Variants in DDX43 observed in about 807,000 individuals in gnomAD.
The protein encoded by DDX43 is probable ATP-dependent RNA helicase DDX43.
A neutral mutation model predicts 84.9 loss-of-function variants in DDX43; 50 were observed. That is an observed-to-expected ratio of 0.59 (90% confidence interval 0.47 to 0.75). The LOEUF (loss-of-function observed/expected upper bound fraction) is 0.75, where lower values mean the gene tolerates loss of function less well. Among genes scored for constraint, DDX43 ranks in the 30% least tolerant of loss-of-function variants. The pLI, the probability that DDX43 is intolerant of heterozygous loss-of-function variation, is 0.00. For synonymous variants in DDX43, 291 were observed against 266.3 expected (o/e 1.09, Z -0.90); for missense variants, 689 against 798.6 (o/e 0.86, Z 1.65).
chr6:73,401,751 G>A (rs1318492322), intron 3 of DDX43, 108 bp from the exon 4 acceptor site: 9 of 1,058,026 alleles, frequency 8.5e-6, no homozygotes, highest in African/African-American at 6.8e-5. Flanking sequence ...GCAGTGAGCC[G>A]AGATCGCGCC....
In DDX43 at chr6:73,395,087, T is replaced by A. The variant is rs1295482887; in HGVS notation, c.182T>A (p.Val61Glu). ...GGCACCTCTAGGCCCCCGGAGGCCG[T>A]GGCCGCTGGTCACGAGGAACTGCCG... ...WRGTSRPPEA[V>E]AAGHEELPLC... Residue 61 changes from valine to glutamate, a missense_variant, in exon 1 of 17, where the codon GTG (valine) becomes GAG (glutamate). Val to Glu is a moderately radical substitution (Grantham distance 121). Transcript: ENST00000370336. The A allele has an allele frequency of 6.8e-6, 11 of 1,614,150 alleles. No homozygotes were observed. The highest frequency in any genetic ancestry group is 9.3e-6 in the Non-Finnish European group (11 of 1,179,978).
chr6:73,406,682 C>T (rs1769690242), intron 7 of DDX43, among the ~76,000 whole-genome samples, 200 bp downstream of exon 7: 2 of 152,194 alleles, frequency 1.3e-5, no homozygotes. Context: ...TAGGTAATAT[C>T]TACCAAAAGC....
At chr6:73,401,304 C>A (rs1368043926) in intron 3 of DDX43, among the ~76,000 whole-genome samples, 2 of 152,176 alleles carry the variant, frequency 1.3e-5, no homozygotes, top group African/African-American at 4.8e-5. Flanking sequence ...GAGATAATAT[C>A]TGCTTCCCAG....
rs752937847 is a variant in DDX43 at position 73,413,620 on chromosome 6, T to C, written c.1369-38T>C. 8 of 1,601,622 alleles carry C rather than the reference T, an allele frequency of 5.0e-6. No individual in the cohort carries two copies. The South Asian group carries it at 5.6e-5, about 11-fold the overall frequency. On this transcript the variant is annotated intron_variant, in intron 11 of 16. Transcript: ENST00000370336. ...ATGTATGCGGTCTCACCCTCAATCATGATGACCTTGATGAACTATGTTCTT... is the reference window on the plus strand; with the variant it reads ...ATGTATGCGGTCTCACCCTCAATCACGATGACCTTGATGAACTATGTTCTT...
intron 7 of DDX43, among the ~76,000 whole-genome samples, chr6:73,407,283 A>C (rs1769703446): frequency 6.6e-6 from 1 of 151,990 alleles, no homozygotes; most frequent in African/African-American, 2.4e-5. Context: ...ATGTCTGGCT[A>C]ATTTTTTGTA....
Position 73,396,551 on chromosome 6 carries a change from AG to A in DDX43, c.251-1135del. Reference sequence around the variant, plus strand: ...CTTAAGTTAATACTTAGCAGATGAAAGGGCACTGTGCTACAGAGCACTCACT... The same window carrying A: ...CTTAAGTTAATACTTAGCAGATGAAAGGCACTGTGCTACAGAGCACTCACT... On this transcript the variant is annotated intron_variant, in intron 1 of 16. Transcript: ENST00000370336. Among the ~76,000 whole-genome samples the A allele has an allele frequency of 2.0e-5, 3 of 152,374 alleles. No homozygotes were observed. In the South Asian group the frequency reaches 6.2e-4, roughly 32 times the overall value.
chr6:73,409,379 A>G, intron 10 of DDX43, 31 bp downstream of exon 10: 1 of 1,495,388 alleles, frequency 6.7e-7, no homozygotes, highest in Non-Finnish European at 9.3e-7. Flanking sequence ...TGTGTGCAGA[A>G]TAGAAATCAG....
intron 4 of DDX43, among the ~76,000 whole-genome samples, chr6:73,403,475 GAA>G (rs1330625386): frequency 7.1e-6 from 1 of 141,774 alleles, no homozygotes; most frequent in Non-Finnish European, 1.6e-5. Context: ...ATCTCAAAAA[GAA>G]AAAAGAAAAG....
rs2150787841 is a variant in DDX43 at position 73,397,681 on chromosome 6, A to T, written c.251-8A>T. The T allele has an allele frequency of 6.2e-7, 1 of 1,604,502 alleles. No homozygotes were observed. Among genetic ancestry groups the T allele is most frequent in the South Asian group, 1.1e-5 (1 of 90,792 alleles). On this transcript the variant is annotated splice_region_variant and splice_polypyrimidine_tract_variant and intron_variant, in intron 1 of 16. Coordinates refer to ENST00000370336, the MANE Select transcript of DDX43 (RefSeq NM_018665.3). ...TATAACAATATATTCCTTTATTTTTAAAAACAGGTCGTGGTGGGTCAAAAA... is the reference window on the plus strand; with the variant it reads ...TATAACAATATATTCCTTTATTTTTTAAAACAGGTCGTGGTGGGTCAAAAA...
chr6:73,406,301 C>T (rs997891250), intron 6 of DDX43, 63 bp from the exon 7 acceptor site: 42 of 1,215,000 alleles, frequency 3.5e-5, no homozygotes, highest in South Asian at 1.5e-4. Flanking sequence ...GGATTACAGG[C>T]GTGAGCCACT....
At chr6:73,409,887 G>A (rs1769753219) in intron 10 of DDX43, among the ~76,000 whole-genome samples, 3 of 152,010 alleles carry the variant, frequency 2.0e-5, no homozygotes, top group African/African-American at 4.8e-5. Context: ...AAACTTAGCC[G>A]GGCATAGTGG....
rs753059183 is a variant in DDX43, at chr6:73,408,115, T to C, written c.1179+14T>C. 2 of 1,612,560 alleles carry C rather than the reference T, an allele frequency of 1.2e-6. No individual in the cohort carries two copies. The highest frequency in any genetic ancestry group is 1.7e-6 in the Non-Finnish European group (2 of 1,179,462). ...ATAACCTACTTGGTAATCATGGAAA[T>C]AGGGGTTTGAGATGCTGGGTTCAAA... On this transcript the variant is annotated intron_variant, in intron 9 of 16. Transcript: ENST00000370336.
Position 73,401,741 on chromosome 6 carries a change from G to A in DDX43, c.437-118G>A, listed in dbSNP as rs923141535. Reference sequence around the variant, plus strand: ...GGCGGGAACCCGGGAGGTGGAGCTTGCAGTGAGCCGAGATCGCGCCACTGC... The same window carrying A: ...GGCGGGAACCCGGGAGGTGGAGCTTACAGTGAGCCGAGATCGCGCCACTGC... On this transcript the variant is annotated intron_variant, in intron 3 of 16. Transcript: ENST00000370336. 8.6e-6 allele frequency: 8 copies of A among 927,868 alleles called. No individual in the cohort carries two copies. In the East Asian group the frequency reaches 1.5e-4, roughly 18 times the overall value. The allele number at this position is 927,868 out of a possible 1,614,324, so 57.5% of individuals were successfully genotyped here. A position where few individuals can be genotyped will look rare whatever the true frequency, so the allele number is the denominator to read the frequency against.
intron 10 of DDX43, 83 bp downstream of exon 10, chr6:73,409,431 T>G (rs1405949492): frequency 1.8e-6 from 2 of 1,102,826 alleles, no homozygotes; most frequent in East Asian, 4.7e-5. Flanking sequence ...CCACAATATT[T>G]GAGCATTACT....
chr6:73,407,683 T>C, intron 8 of DDX43, 68 bp downstream of exon 8: 1 of 1,137,636 alleles, frequency 8.8e-7, no homozygotes. Context: ...TTACACATCT[T>C]CCCCATCATT....
At position 73,394,853 on chromosome 6, in the gene DDX43, A is replaced by T. The variant is rs910486190; in HGVS notation, c.-53A>T. 9 of 1,592,202 alleles carry T rather than the reference A, an allele frequency of 5.7e-6. No individual in the cohort carries two copies. Among genetic ancestry groups the T allele is most frequent in the Admixed American group, 1.7e-5 (1 of 58,022 alleles). ...ACGCTACTCTTACGACGTCACGGTC[A>T]GGTGGTGCAGAGCTGGACGGCAACG... On this transcript the variant is annotated 5_prime_UTR_variant, in exon 1 of 17. Coordinates refer to ENST00000370336, the MANE Select transcript of DDX43 (RefSeq NM_018665.3).
chr6:73,398,166 C>T (rs1270553782), intron 2 of DDX43, among the ~76,000 whole-genome samples: 1 of 152,036 alleles, frequency 6.6e-6, no homozygotes, highest in Non-Finnish European at 1.5e-5. Flanking sequence ...GGTAAGTTGC[C>T]AAAGTTCTTC....
intron 10 of DDX43, among the ~76,000 whole-genome samples, chr6:73,409,800 G>T (rs913690682): frequency 3.9e-5 from 6 of 152,174 alleles, no homozygotes; most frequent in Non-Finnish European, 8.8e-5. Flanking sequence ...GGAGGCCGAG[G>T]TGGGTGGATC....
At position 73,413,739 on chromosome 6, in the gene DDX43, A is replaced by C; in HGVS notation, c.1450A>C (p.Met484Leu). 6.2e-7 allele frequency: 1 copy of C among 1,614,004 alleles called. No individual in the cohort carries two copies. The change falls in exon 12 of 17, where the codon ATG (methionine) becomes CTG (leucine). Residue 484 changes from methionine to leucine, a missense_variant. This residue lies in a region of DDX43 where 552 missense variants were observed against 692.7 expected (regional missense o/e 0.80). Transcript: ENST00000370336. Reference protein sequence around the residue: ...WSHMQTFLQSMSSTDKVIVFV... With the variant: ...WSHMQTFLQSLSSTDKVIVFV... Reference sequence around the variant, plus strand: ...TCACATGCAAACTTTTCTACAGAGTATGTCATCCACAGACAAAGTCATTGT... The same window carrying C: ...TCACATGCAAACTTTTCTACAGAGTCTGTCATCCACAGACAAAGTCATTGT...
Sources: allele counts gnomAD v4.1 joint callset (sites outside exome capture counted in the v4.1 genomes callset), GRCh38; gene constraint gnomAD v4.1.1; regional missense constraint gnomAD v4.1.1; transcripts MANE v1.5; gene names NCBI Gene and HGNC (gene_info 2026-07-23, HGNC 2026-07-21).